The following AHCY variants were observed in gnomAD, a reference collection of about 807,000 sequenced individuals.
AHCY encodes adenosylhomocysteinase, also known as S-adenosyl-L-homocysteine hydrolase.
A neutral mutation model predicts 45.4 loss-of-function variants in AHCY; 24 were observed. The ratio of observed to expected loss-of-function variants is 0.53; its 90% CI spans 0.38 to 0.74. The LOEUF is 0.74. Ranked by LOEUF, AHCY falls within the 30% of genes least tolerant of loss-of-function variation. The probability of loss-of-function intolerance (pLI) is 0.00; values close to 1 mark genes in which losing one functional copy is unlikely to be tolerated. For missense variants in AHCY, 449 were observed against 594.1 expected (o/e 0.76, Z 2.54); for synonymous variants, 245 against 235.1 (o/e 1.04, Z -0.39).
At chr20:34,244,961 C>T in the AHCY span, among the ~76,000 whole-genome samples, 1,851 of 152,230 alleles carry the variant, frequency 0.012, 35 homozygotes, top group African/African-American at 0.042. Context: ...TTAAAAATCA[C>T]TCAGCTTTAG....
In AHCY at chr20:34,285,483, T is replaced by C. The variant is rs1601643158; in HGVS notation, c.1124A>G (p.His375Arg). 1.2e-6 allele frequency: 2 copies of C among 1,613,980 alleles called. No individual in the cohort carries two copies. Among genetic ancestry groups the C allele is most frequent in the Non-Finnish European group, 1.7e-6 (2 of 1,179,956 alleles). Residue 375 changes from histidine to arginine, a missense_variant, in exon 9 of 10, where the codon CAT (histidine) becomes CGT (arginine). Coordinates refer to ENST00000217426, the MANE Select transcript of AHCY (RefSeq NM_000687.4). ...QVMAQIELWT[H>R]PDKYPVGVHF... is the part of the protein sequence containing the mutation. ...AACCCCAACGGGGTACTTGTCTGGATGGGTCCACAGCTCGATCTGCGCCAT... is the reference window on the plus strand; with the variant it reads ...AACCCCAACGGGGTACTTGTCTGGACGGGTCCACAGCTCGATCTGCGCCAT...
chr20:34,310,916 A>G lies in AHCY; in HGVS notation c.-57+556T>C, dbSNP rs142152045. ...TGATTCGGGCGGGTCACCTGAGGTC[A>G]GGAGTTCGAGATCGGCCTGGCCAAC... On this transcript the variant is annotated intron_variant, in intron 1 of 9. Coordinates refer to the AHCY transcript ENST00000538132. 6.7e-3 allele frequency among the ~76,000 whole-genome samples: 1,020 copies of G among 152,266 alleles called. 11 individuals are homozygous for G. Among genetic ancestry groups the G allele is most frequent in the African/African-American group, 0.024 (985 of 41,556 alleles).
At chr20:34,311,110 ACT>A (rs1251337242) in intron 1 of AHCY, among the ~76,000 whole-genome samples, 59 of 152,306 alleles carry the variant, frequency 3.9e-4, no homozygotes, top group South Asian at 4.1e-4. Context: ...ACAGAGTGAG[ACT>A]CTGTCTAAAA....
intron 8 of AHCY, among the ~76,000 whole-genome samples, chr20:34,287,556 A>G (rs2122740907): frequency 6.6e-6 from 1 of 151,812 alleles, no homozygotes; most frequent in Non-Finnish European, 1.5e-5. Flanking sequence ...ATGCCCAGCT[A>G]ATTTTTTGTA....
At chr20:34,263,212 C>T in the AHCY span, among the ~76,000 whole-genome samples, 2 of 152,210 alleles carry the variant, frequency 1.3e-5, no homozygotes, top group African/African-American at 4.8e-5. Context: ...CATTTCAGAA[C>T]CACATTTATA....
chr20:34,268,953 C>A, the AHCY span: 1 of 1,565,624 alleles, frequency 6.4e-7, no homozygotes, highest in East Asian at 2.4e-5. Flanking sequence ...GAGGGGTGGG[C>A]GTGGCCGGCT....
chr20:34,250,761 C>G, the AHCY span, among the ~76,000 whole-genome samples: 1 of 152,144 alleles, frequency 6.6e-6, no homozygotes, highest in Admixed American at 6.5e-5. Context: ...CCATTCTCAT[C>G]TCTCACTACA....
At chr20:34,302,084 T>C in intron 1 of AHCY, 1 of 704,034 alleles carries the variant, frequency 1.4e-6, no homozygotes, top group Middle Eastern at 7.1e-4. Flanking sequence ...CACTGCAACC[T>C]CCGTCTCCCC....
chr20:34,240,212 T>C, the AHCY span, among the ~76,000 whole-genome samples: 2 of 152,178 alleles, frequency 1.3e-5, no homozygotes, highest in Admixed American at 6.6e-5. Flanking sequence ...GTGATGGTGG[T>C]AGGCAAAACT....
chr20:34,249,997 A>G, the AHCY span: 1 of 152,198 alleles, frequency 6.6e-6, no homozygotes, highest in African/African-American at 2.4e-5. Context: ...ATCTTAACTA[A>G]CCTGAATGAG....
chr20:34,252,230 C>T, the AHCY span, among the ~76,000 whole-genome samples: 35 of 152,224 alleles, frequency 2.3e-4, no homozygotes, highest in Middle Eastern at 3.4e-3. Flanking sequence ...CCCAGGAGAC[C>T]GGTGCTCAGT....
In AHCY at chr20:34,295,486, T is replaced by C. The variant is rs1335836204; in HGVS notation, c.128A>G (p.Lys43Arg). 1.2e-6 allele frequency: 2 copies of C among 1,614,090 alleles called. No individual in the cohort carries two copies. Among genetic ancestry groups the C allele is most frequent in the East Asian group, 2.2e-5 (1 of 44,876 alleles). Residue 43 changes from lysine (K) to arginine (R), a missense_variant, in exon 2 of 10, where the codon AAG (lysine) becomes AGG (arginine). Coordinates refer to ENST00000217426, the MANE Select transcript of AHCY (RefSeq NM_000687.4). ...AGCGATGCGGGCGCCCTTCAGTGGC[T>C]TGGAGGCCGAGTACCGCTCCCGCAT... ...MRMRERYSAS[K>R]PLKGARIAGC... is the part of the protein sequence containing the mutation.
chr20:34,288,882 CT>C (rs1601652050), intron 8 of AHCY, among the ~76,000 whole-genome samples: 1 of 152,184 alleles, frequency 6.6e-6, no homozygotes, highest in African/African-American at 2.4e-5. Flanking sequence ...TTCACACCCC[CT>C]ATAAGAACTC....
chr20:34,279,250 T>TA (rs954087381), downstream of AHCY, among the ~76,000 whole-genome samples: 16 of 144,980 alleles, frequency 1.1e-4, no homozygotes, highest in East Asian at 4.1e-4. Flanking sequence ...CCATCTCTAC[T>TA]AAAAAAAAAT....
In AHCY at chr20:34,281,017, A is replaced by C; in HGVS notation, c.*17T>G. 5 of 1,613,968 alleles carry C rather than the reference A, an allele frequency of 3.1e-6. No individual in the cohort carries two copies. Among genetic ancestry groups the C allele is most frequent in the Non-Finnish European group, 4.2e-6 (5 of 1,179,928 alleles). Reference sequence around the variant, plus strand: ...GGGCAAGGACAGCAGCTGGAGGGTGAAACGCAGACCTGGCTCTCAGTAGCG... The same window carrying C: ...GGGCAAGGACAGCAGCTGGAGGGTGCAACGCAGACCTGGCTCTCAGTAGCG... On this transcript the variant is annotated 3_prime_UTR_variant, in exon 10 of 10. Transcript: ENST00000217426.
At chr20:34,263,669 T>TC in the AHCY span, among the ~76,000 whole-genome samples, 1 of 151,454 alleles carries the variant, frequency 6.6e-6, no homozygotes, top group African/African-American at 2.4e-5. Flanking sequence ...GTCTTTTTTT[T>TC]TTTTTCTTTT....
At chr20:34,276,336 G>C (rs976992412), downstream of AHCY, among the ~76,000 whole-genome samples, 10 of 152,158 alleles carry the variant, frequency 6.6e-5, no homozygotes, top group Admixed American at 3.9e-4. Context: ...TATGGAACAG[G>C]CTTTAGGGGA....
chr20:34,240,553 C>T, the AHCY span, among the ~76,000 whole-genome samples: 1 of 152,024 alleles, frequency 6.6e-6, no homozygotes, highest in African/African-American at 2.4e-5. Flanking sequence ...ACCAATATTC[C>T]TGCAAAAAAA....
chr20:34,298,288 T>C (rs1224533834), intron 1 of AHCY, among the ~76,000 whole-genome samples: 2 of 152,206 alleles, frequency 1.3e-5, no homozygotes, highest in African/African-American at 4.8e-5. Context: ...TATGATTATA[T>C]ATGAATATCA....
Sources: allele counts gnomAD v4.1 joint callset (sites outside exome capture counted in the v4.1 genomes callset), GRCh38; gene constraint gnomAD v4.1.1; transcripts MANE v1.5; gene names NCBI Gene and HGNC (gene_info 2026-07-23, HGNC 2026-07-21).